GATB: variants seen among roughly 807,000 people sequenced by gnomAD.
GATB encodes the protein glutamyl-tRNA amidotransferase subunit B, also known as glutamyl-tRNA(Gln) amidotransferase subunit B, mitochondrial.
Under a neutral mutation model 62.3 loss-of-function variants are expected in GATB, and 39 were observed. The observed-to-expected ratio is 0.63, with a 90% CI of 0.48 to 0.82. The LOEUF is 0.82. Among genes scored for constraint, GATB ranks in the 40% least tolerant of loss-of-function variants. The pLI, the probability that GATB is intolerant of heterozygous loss-of-function variation, is 0.00. For missense variants in GATB, 670 were observed against 684.0 expected, an observed-to-expected ratio of 0.98 and a Z score of 0.23; for synonymous variants, 276 against 258.9, an observed-to-expected ratio of 1.07 and a Z score of -0.63.
At chr4:151,712,335 T>C (rs1437072440) in intron 5 of GATB, among the ~76,000 whole-genome samples, 1 of 152,182 alleles carries the variant, frequency 6.6e-6, no homozygotes, top group Non-Finnish European at 1.5e-5. Flanking sequence ...CTTTACTAGT[T>C]AGGTTTACTT....
At chr4:151,681,590 C>A (rs911921988) in intron 10 of GATB, among the ~76,000 whole-genome samples, 1 of 152,170 alleles carries the variant, frequency 6.6e-6, no homozygotes, top group African/African-American at 2.4e-5. Flanking sequence ...ATAAGAAGCA[C>A]TGAGGTGGAA....
intron 11 of GATB, among the ~76,000 whole-genome samples, chr4:151,679,534 G>A (rs912192672): frequency 1.3e-5 from 2 of 152,314 alleles, no homozygotes; most frequent in African/African-American, 4.8e-5. Context: ...GTGTAAAAGG[G>A]CTACAGGAGA....
rs1445603496 is a variant in GATB at position 151,679,895 on chromosome 4, G to T, written c.1332-4C>A. On this transcript the variant is annotated splice_polypyrimidine_tract_variant and splice_region_variant and intron_variant, in intron 10 of 12. Coordinates refer to ENST00000263985, the MANE Select transcript of GATB (RefSeq NM_004564.3). ...GAGTGCAGAGGGTGTGACAGGACTG[G>T]TGGCCCCCAAAAGAGAAAACACATT... 2 of 1,613,964 alleles carry T rather than the reference G, an allele frequency of 1.2e-6. No homozygotes were observed. Among genetic ancestry groups the T allele is most frequent in the East Asian group, 2.2e-5 (1 of 44,878 alleles).
intron 10 of GATB, among the ~76,000 whole-genome samples, chr4:151,685,109 C>T (rs75184218): frequency 0.013 from 1,914 of 152,286 alleles, 40 homozygotes; most frequent in African/African-American, 0.044. Flanking sequence ...TCAGCAATTC[C>T]GTACATTTTA....
intron 2 of GATB, chr4:151,722,218 GA>G (rs755480310): frequency 9.0e-5 from 60 of 668,288 alleles, no homozygotes; most frequent in East Asian, 4.0e-4. Flanking sequence ...TCTTCACTCT[GA>G]AAAAAAAAAT....
At chr4:151,697,955 A>ATATATATATATATATATATATGTG (rs1560847698) in intron 9 of GATB, among the ~76,000 whole-genome samples, 4 of 35,152 alleles carry the variant, frequency 1.1e-4, no homozygotes, top group African/African-American at 6.6e-4. Context: ...GTGTGTGTGT[A>ATATATATATATATATATATATGTG]TATATATATA....
At chr4:151,734,820 A>G (rs1237123607) in intron 2 of GATB, among the ~76,000 whole-genome samples, 5 of 152,042 alleles carry the variant, frequency 3.3e-5, no homozygotes. Context: ...AAACAAAAAC[A>G]TAAAGCGGGG....
intron 2 of GATB, among the ~76,000 whole-genome samples, chr4:151,741,127 A>AT (rs899361261): frequency 1.3e-5 from 2 of 151,878 alleles, no homozygotes; most frequent in African/African-American, 2.4e-5. Flanking sequence ...GATATAGACT[A>AT]TTTTTTTTCC....
chr4:151,695,831 C>T (rs113804604), intron 9 of GATB, among the ~76,000 whole-genome samples: 3 of 152,208 alleles, frequency 2.0e-5, no homozygotes, highest in South Asian at 2.1e-4. Context: ...GACCACAGCT[C>T]GCTACAGCCT....
intron 1 of GATB, 61 bp from the exon 2 acceptor site, chr4:151,758,983 T>C: frequency 7.9e-7 from 1 of 1,261,054 alleles, no homozygotes; most frequent in Non-Finnish European, 1.1e-6. Context: ...TGAATTTCTA[T>C]AAGTCTAAAC....
intron 10 of GATB, chr4:151,686,779 T>C (rs1877188): frequency 0.42 from 63,535 of 151,694 alleles, 13,808 homozygotes; most frequent in South Asian, 0.57. Flanking sequence ...CCAGCCACCC[T>C]GGCACGCTGC....
Position 151,760,870 on chromosome 4 carries a change from T to C in GATB, c.113A>G (p.Gln38Arg), listed in dbSNP as rs1315255139. The C allele has an allele frequency of 6.2e-7, 1 of 1,614,010 alleles. No homozygotes were observed. The highest frequency in any genetic ancestry group is 1.7e-5 in the Admixed American group (1 of 60,004). ...AGCCACTGAGCTCTCTCCCCTAATC[T>C]GGTTGGATGTGGACCCAGTCGGAGC... is the stretch of plus-strand genomic sequence containing the variant. ...RGAPTGSTSN[Q>R]IRGESSVAQQ... is the part of the protein sequence containing the mutation. The change falls in exon 1 of 13, where the codon CAG (glutamine) becomes CGG (arginine). Residue 38 changes from glutamine to arginine, a missense_variant. Coordinates refer to ENST00000263985, the MANE Select transcript of GATB (RefSeq NM_004564.3).
At chr4:151,706,978 T>C (rs1250898685) in intron 6 of GATB, among the ~76,000 whole-genome samples, 1 of 152,236 alleles carries the variant, frequency 6.6e-6, no homozygotes, top group Non-Finnish European at 1.5e-5. Flanking sequence ...GCTCAGATAT[T>C]TATCTTGCTA....
In GATB at chr4:151,677,981, A is replaced by G. The variant is rs368757237; in HGVS notation, c.1410+1832T>C. ...ATGATGTTCATCTGATATTAAAGGTAGTTATTTCAAGGTGGTAGAACCTGA... is the reference window on the plus strand; with the variant it reads ...ATGATGTTCATCTGATATTAAAGGTGGTTATTTCAAGGTGGTAGAACCTGA... On this transcript the variant is annotated intron_variant, in intron 11 of 12. Transcript: ENST00000263985. 5 of 152,272 alleles carry G rather than the reference A, an allele frequency of 3.3e-5. No homozygotes were observed. The East Asian group carries it at 5.8e-4, about 18-fold the overall frequency. 9.4% of individuals were successfully genotyped at this position (152,272 alleles called of 1,614,324 possible). A position where few individuals can be genotyped will look rare whatever the true frequency, so the allele number is the denominator to read the frequency against.
At chr4:151,678,342 G>C (rs1578894275) in intron 11 of GATB, among the ~76,000 whole-genome samples, 2 of 152,112 alleles carry the variant, frequency 1.3e-5, no homozygotes, top group East Asian at 1.9e-4. Context: ...CACCGCACTA[G>C]GTATTTTGTT....
At chr4:151,731,309 G>A (rs1258473244) in intron 2 of GATB, among the ~76,000 whole-genome samples, 2 of 152,226 alleles carry the variant, frequency 1.3e-5, no homozygotes, top group African/African-American at 4.8e-5. Context: ...TGGAGACGGG[G>A]TTTCGCCATG....
intron 6 of GATB, 83 bp from the exon 7 acceptor site, chr4:151,705,352 A>C: frequency 1.2e-6 from 1 of 822,064 alleles, no homozygotes; most frequent in Non-Finnish European, 2.0e-6. Context: ...AACCTTTCTC[A>C]ATCTCTAAGT....
chr4:151,705,365 A>T, intron 6 of GATB, 96 bp from the exon 7 acceptor site: 4 of 442,738 alleles, frequency 9.0e-6, no homozygotes, highest in Non-Finnish European at 1.5e-5. Context: ...CTCTAAGTTA[A>T]AAAAAAAAAA....
chr4:151,673,359 T>C (rs1038642699), intron 11 of GATB: 12 of 155,582 alleles, frequency 7.7e-5, no homozygotes, highest in Non-Finnish European at 5.7e-5. Context: ...GCCGAATTAA[T>C]TGAGGTGACA....
Sources: gnomAD v4.1 joint callset for allele counts (sites outside exome capture counted in the v4.1 genomes callset) on GRCh38, gnomAD v4.1.1 for gene constraint, MANE v1.5 for transcripts, NCBI Gene and HGNC (gene_info 2026-07-23, HGNC 2026-07-21) for gene names.